ENPP6: variants seen among roughly 807,000 people sequenced by gnomAD.
ENPP6 encodes the protein glycerophosphocholine cholinephosphodiesterase ENPP6.
A neutral mutation model predicts 42.0 loss-of-function variants in ENPP6; 32 were observed. That is an observed-to-expected ratio of 0.76 (90% CI 0.58 to 1.02). ENPP6 has a LOEUF of 1.02. Ranked by LOEUF, ENPP6 falls within the 50% of genes least tolerant of loss-of-function variation. The pLI, the probability that ENPP6 is intolerant of heterozygous loss-of-function variation, is 0.00. For synonymous variants in ENPP6, 213 were observed against 216.0 expected, an observed-to-expected ratio of 0.99 and a Z score of 0.12; for missense variants, 552 against 566.8, an observed-to-expected ratio of 0.97 and a Z score of 0.27.
chr4:184,167,544 G>T (rs1921560), intron 1 of ENPP6, among the ~76,000 whole-genome samples: 56,900 of 152,028 alleles, frequency 0.37, 10,984 homozygotes, highest in East Asian at 0.53. Flanking sequence ...AATCAGGGAC[G>T]TTACCAGCTC....
chr4:184,208,484 C>T (rs945537976), intron 1 of ENPP6, among the ~76,000 whole-genome samples: 30 of 152,152 alleles, frequency 2.0e-4, no homozygotes, highest in Non-Finnish European at 3.7e-4. Context: ...TGACGGATGG[C>T]ATCTGGAAAA....
Position 184,091,062 on chromosome 4 carries a change from G to T in ENPP6, c.*115C>A. The T allele has an allele frequency of 1.1e-6, 1 of 935,402 alleles. No individual in the cohort carries two copies. Among genetic ancestry groups the T allele is most frequent in the Non-Finnish European group, 1.5e-6 (1 of 649,168 alleles). 57.9% of individuals were successfully genotyped at this position (935,402 alleles called of 1,614,324 possible). Reference sequence around the variant, plus strand: ...TCCAAGAATAATGTATTTACAATGTGCATGGTCTTGATTGTGTTAATGAAG... The same window carrying T: ...TCCAAGAATAATGTATTTACAATGTTCATGGTCTTGATTGTGTTAATGAAG... On this transcript the variant is annotated 3_prime_UTR_variant, in exon 8 of 8. Transcript: ENST00000296741.
At chr4:184,208,854 G>A (rs1431111863) in intron 1 of ENPP6, among the ~76,000 whole-genome samples, 1 of 142,614 alleles carries the variant, frequency 7.0e-6, no homozygotes, top group African/African-American at 2.5e-5. Flanking sequence ...GCTTTGAAGA[G>A]AGCAGTGGTT....
intron 1 of ENPP6, among the ~76,000 whole-genome samples, chr4:184,206,251 ATTTT>A (rs1554000365): frequency 6.4e-5 from 6 of 93,390 alleles, no homozygotes; most frequent in African/African-American, 1.3e-4. Context: ...GGAAGCTTGA[ATTTT>A]TTTTTTTTTT....
At chr4:184,097,412 T>A (rs1328406324) in intron 6 of ENPP6, 44 bp from the exon 7 acceptor site, 8 of 1,608,756 alleles carry the variant, frequency 5.0e-6, no homozygotes, top group Non-Finnish European at 6.8e-6. Context: ...GTCCTGACCG[T>A]GGCGCTGAGC....
chr4:184,197,433 A>G (rs1001419258), intron 1 of ENPP6, among the ~76,000 whole-genome samples: 8 of 152,326 alleles, frequency 5.3e-5, no homozygotes, highest in Admixed American at 4.6e-4. Flanking sequence ...CTCAGGCAAA[A>G]AGGGCAACTT....
chr4:184,122,417 C>CACCACT (rs1736432819), intron 3 of ENPP6, among the ~76,000 whole-genome samples: 1 of 151,478 alleles, frequency 6.6e-6, no homozygotes, highest in South Asian at 2.1e-4. Flanking sequence ...CCACCACCAC[C>CACCACT]ACCACCACCA....
chr4:184,186,590 A>T (rs1732637743), intron 1 of ENPP6, among the ~76,000 whole-genome samples: 3 of 152,138 alleles, frequency 2.0e-5, no homozygotes, highest in African/African-American at 7.2e-5. Context: ...GAAAACTTGG[A>T]CCCCAATAAA....
At chr4:184,165,479 C>T (rs1737333290) in intron 1 of ENPP6, among the ~76,000 whole-genome samples, 1 of 152,226 alleles carries the variant, frequency 6.6e-6, no homozygotes, top group Non-Finnish European at 1.5e-5. Flanking sequence ...ATCAGTTCAC[C>T]AGGGCTTGCC....
At chr4:184,146,084 T>C (rs1348120913) in intron 2 of ENPP6, among the ~76,000 whole-genome samples, 1 of 151,676 alleles carries the variant, frequency 6.6e-6, no homozygotes, top group African/African-American at 2.4e-5. Context: ...CTTTTTTGTG[T>C]ATATCCCAGT....
At chr4:184,212,775 C>T (rs900569330) in intron 1 of ENPP6, among the ~76,000 whole-genome samples, 245 of 151,944 alleles carry the variant, frequency 1.6e-3, no homozygotes, top group East Asian at 2.9e-3. Context: ...GAGCCCGTAT[C>T]GCCAAGTCAA....
At chr4:184,170,523 A>G (rs889282559) in intron 1 of ENPP6, among the ~76,000 whole-genome samples, 1 of 152,058 alleles carries the variant, frequency 6.6e-6, no homozygotes, top group Non-Finnish European at 1.5e-5. Flanking sequence ...TTAACTGATA[A>G]TGGTTCGCCT....
At chr4:184,177,618 G>C (rs183584071) in intron 1 of ENPP6, among the ~76,000 whole-genome samples, 1 of 151,772 alleles carries the variant, frequency 6.6e-6, no homozygotes, top group East Asian at 1.9e-4. Flanking sequence ...TCCCACTGGC[G>C]TCAGGTCAGT....
At chr4:184,099,508 G>T (rs746976896) in intron 6 of ENPP6, among the ~76,000 whole-genome samples, 2 of 152,176 alleles carry the variant, frequency 1.3e-5, no homozygotes, top group African/African-American at 2.4e-5. Flanking sequence ...GGTCTGGTCC[G>T]CAGATGCCCC....
chr4:184,114,443 G>A (rs961866358), intron 5 of ENPP6, among the ~76,000 whole-genome samples: 1 of 152,160 alleles, frequency 6.6e-6, no homozygotes, highest in Non-Finnish European at 1.5e-5. Flanking sequence ...GGTTTCTGAC[G>A]GCTCCTGAGT....
chr4:184,213,497 C>G (rs1254326779), intron 1 of ENPP6, among the ~76,000 whole-genome samples: 11 of 152,066 alleles, frequency 7.2e-5, no homozygotes, highest in Admixed American at 3.3e-4. Context: ...AAATGCTCAT[C>G]ATCACTGGCC....
At chr4:184,110,370 G>A (rs1279107592) in intron 6 of ENPP6, among the ~76,000 whole-genome samples, 1 of 152,168 alleles carries the variant, frequency 6.6e-6, no homozygotes, top group Admixed American at 6.5e-5. Flanking sequence ...AGCCGCTAGT[G>A]GGTTCTGGGC....
At chr4:184,175,401 A>G (rs936809195) in intron 1 of ENPP6, among the ~76,000 whole-genome samples, 1 of 152,196 alleles carries the variant, frequency 6.6e-6, no homozygotes, top group African/African-American at 2.4e-5. Context: ...TAATCACTGA[A>G]TGAAAGGCAG....
intron 2 of ENPP6, among the ~76,000 whole-genome samples, chr4:184,147,712 T>TATC (rs1355276661): frequency 2.6e-5 from 4 of 151,090 alleles, no homozygotes; most frequent in Non-Finnish European, 4.4e-5. Flanking sequence ...GAGGTGTGAG[T>TATC]ATCCTTTGAG....
Sources: gnomAD v4.1 joint callset for allele counts (sites outside exome capture counted in the v4.1 genomes callset) on GRCh38, gnomAD v4.1.1 for gene constraint, MANE v1.5 for transcripts, NCBI Gene and HGNC (gene_info 2026-07-23, HGNC 2026-07-21) for gene names.